Variants in TBC1D22A observed in about 807,000 individuals in gnomAD.
The protein encoded by TBC1D22A is TBC1 domain family member 22A.
A neutral mutation model predicts 60.2 loss-of-function variants in TBC1D22A; 38 were observed. The ratio of observed to expected loss-of-function variants is 0.63; its 90% confidence interval spans 0.49 to 0.83. The LOEUF (loss-of-function observed/expected upper bound fraction) is 0.83, where lower values mean the gene tolerates loss of function less well. Among genes scored for constraint, TBC1D22A ranks in the 40% least tolerant of loss-of-function variants. The pLI is 0.00. For synonymous variants in TBC1D22A, 302 were observed against 281.7 expected (o/e 1.07, Z -0.72); for missense variants, 628 against 701.0 (o/e 0.90, Z 1.18).
intron 12 of TBC1D22A, among the ~76,000 whole-genome samples, chr22:47,134,760 G>A (rs1248469541): frequency 1.3e-5 from 2 of 152,182 alleles, no homozygotes; most frequent in Non-Finnish European, 2.9e-5. Flanking sequence ...TGTGTGGCTG[G>A]CATCCTTTCT....
intron 10 of TBC1D22A, among the ~76,000 whole-genome samples, chr22:47,027,899 C>T (rs886606664): frequency 1.3e-5 from 2 of 152,224 alleles, no homozygotes; most frequent in Non-Finnish European, 2.9e-5. Flanking sequence ...CCAGCCCACT[C>T]CTCCCCCCTG....
Position 47,111,526 on chromosome 22 carries a change from T to C in TBC1D22A, c.1348T>C (p.Ser450Pro), listed in dbSNP as rs749289473. The change falls in exon 12 of 13, where the codon TCT (serine) becomes CCT (proline). Residue 450 changes from serine (S) to proline (P), a missense_variant. By Grantham distance (74) the Ser-to-Pro change is moderately conservative (BLOSUM62 -1). Transcript: ENST00000337137. Reference protein sequence around the residue: ...DTYQSEPDGFSHFHLYVCAAF... With the variant: ...DTYQSEPDGFPHFHLYVCAAF... ...CTTTTAGTCTGAACCGGACGGCTTT[T>C]CTCATTTCCACTTGTACGTGTGCGC... 4 of 1,613,952 alleles carry C rather than the reference T, an allele frequency of 2.5e-6. No homozygotes were observed. Among genetic ancestry groups the C allele is most frequent in the Non-Finnish European group, 3.4e-6 (4 of 1,180,002 alleles).
chr22:46,856,857 T>G (rs1292290452), intron 4 of TBC1D22A, among the ~76,000 whole-genome samples: 4 of 152,254 alleles, frequency 2.6e-5, no homozygotes, highest in Non-Finnish European at 5.9e-5. Flanking sequence ...AAATATTTGT[T>G]TGCATTTTGG....
intron 4 of TBC1D22A, among the ~76,000 whole-genome samples, chr22:46,847,055 T>C (rs954944744): frequency 6.6e-6 from 1 of 152,188 alleles, no homozygotes; most frequent in Non-Finnish European, 1.5e-5. Context: ...GCCTTCCTTA[T>C]CGGCTGTGCA....
chr22:47,008,622 A>G (rs1434800253), intron 10 of TBC1D22A, among the ~76,000 whole-genome samples: 1 of 152,236 alleles, frequency 6.6e-6, no homozygotes, highest in Admixed American at 6.5e-5. Flanking sequence ...CAGGAAGGAT[A>G]GGACAACGAT....
chr22:46,950,931 C>T (rs555756286), intron 8 of TBC1D22A, among the ~76,000 whole-genome samples: 1 of 152,286 alleles, frequency 6.6e-6, no homozygotes. Flanking sequence ...AATAATCTCC[C>T]TCTCACATTC....
At chr22:47,101,535 G>T (rs1436386735) in intron 11 of TBC1D22A, among the ~76,000 whole-genome samples, 1 of 152,260 alleles carries the variant, frequency 6.6e-6, no homozygotes, top group Non-Finnish European at 1.5e-5. Flanking sequence ...AGGCGGCCAA[G>T]GCCCCAGGAG....
At chr22:46,768,452 C>T (rs188567707) in intron 1 of TBC1D22A, among the ~76,000 whole-genome samples, 14 of 147,802 alleles carry the variant, frequency 9.5e-5, no homozygotes, top group Non-Finnish European at 1.9e-4. Context: ...GCCACCGCCC[C>T]GCAGCCTGGG....
chr22:46,842,927 G>A (rs1037738679), intron 4 of TBC1D22A, among the ~76,000 whole-genome samples: 1 of 152,198 alleles, frequency 6.6e-6, no homozygotes, highest in African/African-American at 2.4e-5. Context: ...GAGGTGCTGC[G>A]GCCCATGTTC....
chr22:46,845,821 G>C (rs1475616680), intron 4 of TBC1D22A, among the ~76,000 whole-genome samples: 1 of 152,236 alleles, frequency 6.6e-6, no homozygotes, highest in Non-Finnish European at 1.5e-5. Flanking sequence ...TCATGTACTA[G>C]TTGCAAGCTG....
chr22:47,075,825 CAG>C (rs777303329), intron 11 of TBC1D22A, among the ~76,000 whole-genome samples: 111 of 151,538 alleles, frequency 7.3e-4, no homozygotes, highest in African/African-American at 2.5e-3. Flanking sequence ...CATATGGACA[CAG>C]AAAGTTTTGA....
At chr22:46,973,255 A>AC (rs1302975937) in intron 8 of TBC1D22A, among the ~76,000 whole-genome samples, 2 of 148,390 alleles carry the variant, frequency 1.3e-5, no homozygotes, top group African/African-American at 2.6e-5. Flanking sequence ...TGCATCTGGC[A>AC]CCCCCCTCCC....
intron 12 of TBC1D22A, among the ~76,000 whole-genome samples, chr22:47,121,143 T>G (rs955982816): frequency 6.6e-6 from 1 of 152,056 alleles, no homozygotes; most frequent in African/African-American, 2.4e-5. Context: ...ATCCAGAAAA[T>G]GTAAGTGTTT....
At chr22:47,143,729 G>T (rs946568977) in intron 12 of TBC1D22A, among the ~76,000 whole-genome samples, 2 of 152,340 alleles carry the variant, frequency 1.3e-5, no homozygotes, top group East Asian at 3.9e-4. Flanking sequence ...CATGCATCGC[G>T]TGTACCCAGC....
At chr22:47,171,135 T>C (rs948039248) in intron 12 of TBC1D22A, among the ~76,000 whole-genome samples, 1 of 152,062 alleles carries the variant, frequency 6.6e-6, no homozygotes, top group Non-Finnish European at 1.5e-5. Context: ...TGAAGAAGAG[T>C]GTGGCTTGGA....
At chr22:47,139,109 G>C (rs1324631575) in intron 12 of TBC1D22A, among the ~76,000 whole-genome samples, 2 of 152,238 alleles carry the variant, frequency 1.3e-5, no homozygotes, top group African/African-American at 4.8e-5. Flanking sequence ...CTTGGCCAAA[G>C]CCCTTCTGAG....
At chr22:46,807,235 G>A (rs899076734) in intron 4 of TBC1D22A, among the ~76,000 whole-genome samples, 4 of 152,272 alleles carry the variant, frequency 2.6e-5, no homozygotes, top group Non-Finnish European at 4.4e-5. Context: ...AGAATTCAGG[G>A]CTTCAGGGAT....
intron 6 of TBC1D22A, among the ~76,000 whole-genome samples, chr22:46,893,772 T>TTCC (rs1019077509): frequency 6.6e-6 from 1 of 152,286 alleles, no homozygotes; most frequent in Admixed American, 6.5e-5. Context: ...CCTCCTCCTC[T>TTCC]TCCTCCTCCT....
intron 11 of TBC1D22A, among the ~76,000 whole-genome samples, chr22:47,057,929 T>C (rs1209628947): frequency 2.6e-5 from 4 of 152,192 alleles, no homozygotes; most frequent in African/African-American, 9.6e-5. Context: ...TGCTGGGCAG[T>C]TGATGGGTGA....
Sources: gnomAD v4.1 joint callset for allele counts (sites outside exome capture counted in the v4.1 genomes callset) on GRCh38, gnomAD v4.1.1 for gene constraint, MANE v1.5 for transcripts, NCBI Gene and HGNC (gene_info 2026-07-23, HGNC 2026-07-21) for gene names.